The following PDCD10 variants were observed in gnomAD, a reference collection of about 807,000 sequenced individuals.
PDCD10 encodes the protein programmed cell death 10, also known as programmed cell death protein 10.
A neutral mutation model predicts 29.2 loss-of-function variants in PDCD10; 4 were observed. The observed-to-expected ratio is 0.14, with a 90% confidence interval of 0.07 to 0.31. PDCD10 has a LOEUF of 0.31. PDCD10 is among the 10% of genes least tolerant of loss of function. The pLI is 1.00. For missense variants in PDCD10, 183 were observed against 257.9 expected (o/e 0.71, Z 1.99); for synonymous variants, 70 against 82.2 (o/e 0.85, Z 0.80).
chr3:167,733,506 G>C (rs753007921), intron 2 of PDCD10, among the ~76,000 whole-genome samples: 5 of 152,098 alleles, frequency 3.3e-5, no homozygotes, highest in Non-Finnish European at 5.9e-5. Flanking sequence ...ATATGCAAGA[G>C]CCCAATTTTA....
chr3:167,698,025 G>T (rs140452214), intron 4 of PDCD10: 1 of 455,896 alleles, frequency 2.2e-6, no homozygotes, highest in Non-Finnish European at 4.4e-6. Context: ...ATCTTAATCA[G>T]ATGGCAATCT....
At chr3:167,732,373 A>C (rs922399864) in intron 2 of PDCD10, among the ~76,000 whole-genome samples, 7 of 152,208 alleles carry the variant, frequency 4.6e-5, no homozygotes, top group Non-Finnish European at 8.8e-5. Context: ...AAGTCCTCTA[A>C]GAAATAATGT....
intron 2 of PDCD10, among the ~76,000 whole-genome samples, chr3:167,726,110 T>C (rs1386665894): frequency 1.4e-5 from 2 of 140,444 alleles, no homozygotes; most frequent in Non-Finnish European, 3.0e-5. Flanking sequence ...TTTTGTAGAG[T>C]ACTGTTTTTT....
intron 2 of PDCD10, among the ~76,000 whole-genome samples, chr3:167,728,725 G>A (rs895570335): frequency 6.6e-6 from 1 of 152,108 alleles, no homozygotes; most frequent in Non-Finnish European, 1.5e-5. Context: ...CTATTTCCTA[G>A]TATCCAACAC....
At chr3:167,720,903 T>C (rs1723496522) in intron 2 of PDCD10, among the ~76,000 whole-genome samples, 6 of 152,050 alleles carry the variant, frequency 3.9e-5, no homozygotes, top group Admixed American at 3.9e-4. Flanking sequence ...CCTTCTGGTA[T>C]TTAGAAGAAC....
intron 5 of PDCD10, among the ~76,000 whole-genome samples, chr3:167,696,392 C>CT (rs1720809630): frequency 6.6e-6 from 1 of 152,062 alleles, no homozygotes; most frequent in Admixed American, 6.5e-5. Context: ...ATGCTCAACT[C>CT]TAAATAATGA....
intron 3 of PDCD10, among the ~76,000 whole-genome samples, chr3:167,714,082 G>C (rs1365176744): frequency 6.6e-6 from 1 of 151,770 alleles, no homozygotes; most frequent in Non-Finnish European, 1.5e-5. Flanking sequence ...CCAAATCTGG[G>C]CAAAGACACA....
intron 3 of PDCD10, among the ~76,000 whole-genome samples, chr3:167,705,709 C>T (rs1469211515): frequency 2.6e-5 from 4 of 152,034 alleles, no homozygotes; most frequent in African/African-American, 9.7e-5. Context: ...TCTAACAAAT[C>T]TTGTAAAATC....
chr3:167,726,114 GTTTTT>G (rs751342370), intron 2 of PDCD10, among the ~76,000 whole-genome samples: 14 of 85,766 alleles, frequency 1.6e-4, no homozygotes, highest in African/African-American at 6.1e-4. Context: ...GTAGAGTACT[GTTTTT>G]TTTTTTTTTT....
chr3:167,690,057 A>G (rs1327150334), intron 6 of PDCD10, among the ~76,000 whole-genome samples: 1 of 152,226 alleles, frequency 6.6e-6, no homozygotes. Context: ...GAACTGAGAA[A>G]AAACTTGAGG....
At chr3:167,710,854 C>G (rs942297976) in intron 3 of PDCD10, among the ~76,000 whole-genome samples, 13 of 152,142 alleles carry the variant, frequency 8.5e-5, no homozygotes, top group African/African-American at 2.7e-4. Flanking sequence ...CACAGAGAGA[C>G]AGAAAGAAAC....
intron 3 of PDCD10, among the ~76,000 whole-genome samples, chr3:167,719,662 T>C (rs1723374855): frequency 6.6e-6 from 1 of 152,092 alleles, no homozygotes; most frequent in Non-Finnish European, 1.5e-5. Flanking sequence ...AACTCTTCAA[T>C]TAACTCTATT....
chr3:167,720,831 A>G (rs1353104141), intron 2 of PDCD10, among the ~76,000 whole-genome samples: 1 of 152,114 alleles, frequency 6.6e-6, no homozygotes, highest in Non-Finnish European at 1.5e-5. Flanking sequence ...TAAAATTGAA[A>G]AAAATTCTAC....
Position 167,734,062 on chromosome 3 carries a change from G to A in PDCD10, c.-117+152C>T, listed in dbSNP as rs556282851. ...ACCCTTTTCAAAAAGCACAACCAACGTCCCTACTCTAAAGCTGGACTCGAA... is the reference window on the plus strand; with the variant it reads ...ACCCTTTTCAAAAAGCACAACCAACATCCCTACTCTAAAGCTGGACTCGAA... On this transcript the variant is annotated intron_variant, in intron 2 of 8. Coordinates refer to ENST00000392750, the MANE Select transcript of PDCD10 (RefSeq NM_007217.4). 1.2e-4 allele frequency among the ~76,000 whole-genome samples: 19 copies of A among 152,098 alleles called. No individual in the cohort carries two copies. The South Asian group carries it at 3.9e-3, about 32-fold the overall frequency.
In PDCD10 at chr3:167,729,300, T is replaced by C. The variant is rs189669834; in HGVS notation, c.-117+4914A>G. On this transcript the variant is annotated intron_variant, in intron 2 of 8. Coordinates refer to ENST00000392750, the MANE Select transcript of PDCD10 (RefSeq NM_007217.4). ...TTAGTCTACAACGTGTATTTCCTAA[T>C]AGGTTTTTTAAAAAGTTTGAATATT... Among the ~76,000 whole-genome samples, 348 of 152,356 alleles carry C rather than the reference T, an allele frequency of 2.3e-3. 2 individuals carry two copies. The highest frequency in any genetic ancestry group is 7.8e-3 in the African/African-American group (324 of 41,576).
chr3:167,712,809 G>A (rs776894045), intron 3 of PDCD10, among the ~76,000 whole-genome samples: 78 of 151,980 alleles, frequency 5.1e-4, no homozygotes, highest in Admixed American at 4.6e-4. Flanking sequence ...AGGAGCAGCT[G>A]TATTTGTATC....
At chr3:167,691,141 G>A (rs1003793976) in intron 6 of PDCD10, among the ~76,000 whole-genome samples, 3 of 152,140 alleles carry the variant, frequency 2.0e-5, no homozygotes, top group Non-Finnish European at 4.4e-5. Context: ...CTATTTTAGT[G>A]CAATTTTATC....
In PDCD10 at chr3:167,720,279, G is replaced by GA. The variant is rs1280657420; in HGVS notation, c.-116-7dup. On this transcript the variant is annotated splice_polypyrimidine_tract_variant and splice_region_variant and intron_variant, in intron 2 of 8. Coordinates refer to ENST00000392750, the MANE Select transcript of PDCD10 (RefSeq NM_007217.4). ...GACACAAAAAACACACTGATCTGGT[G>GA]AAAGAGGAAGAAAGAACAGAGACTT... 1.5e-6 allele frequency: 1 copy of GA among 687,190 alleles called. No homozygotes were observed. Among genetic ancestry groups the GA allele is most frequent in the African/African-American group, 1.8e-5 (1 of 55,990 alleles). 42.6% of individuals were successfully genotyped at this position (687,190 alleles called of 1,614,324 possible).
rs1266537160 is a variant in PDCD10, at chr3:167,684,288, T to A, written c.*20A>T. The stretch of plus-strand genomic sequence containing the variant: ...TTCAATACTGCCACTGAGAAGTACA[T>A]CTCTTAACATATACAACTTTCAGGC... On this transcript the variant is annotated 3_prime_UTR_variant, in exon 9 of 9. Coordinates refer to ENST00000392750, the MANE Select transcript of PDCD10 (RefSeq NM_007217.4). 7.3e-7 allele frequency: 1 copy of A among 1,374,480 alleles called. No homozygotes were observed. The highest frequency in any genetic ancestry group is 1.2e-5 in the South Asian group (1 of 86,248). The allele number at this position is 1,374,480 out of a possible 1,614,324, so 85.1% of individuals were successfully genotyped here.
Sources: allele counts gnomAD v4.1 joint callset (sites outside exome capture counted in the v4.1 genomes callset), GRCh38; gene constraint gnomAD v4.1.1; transcripts MANE v1.5; gene names NCBI Gene and HGNC (gene_info 2026-07-23, HGNC 2026-07-21).